The following SLIT2 variants were observed in gnomAD, a reference collection of about 807,000 sequenced individuals.
SLIT2 encodes the protein slit homolog 2 protein.
A neutral mutation model predicts 185.7 loss-of-function variants in SLIT2; 41 were observed. The ratio of observed to expected loss-of-function variants is 0.22; its 90% CI spans 0.17 to 0.29. SLIT2 has a LOEUF of 0.29. Ranked by LOEUF, SLIT2 falls within the 10% of genes least tolerant of loss-of-function variation. The pLI, the probability that SLIT2 is intolerant of heterozygous loss-of-function variation, is 1.00. For synonymous variants in SLIT2, 693 were observed against 680.2 expected, an observed-to-expected ratio of 1.02 and a Z score of -0.29; for missense variants, 1,571 against 1,909.0, an observed-to-expected ratio of 0.82 and a Z score of 3.30.
chr4:20,460,118 C>T (rs918579498), intron 4 of SLIT2, among the ~76,000 whole-genome samples: 4 of 152,080 alleles, frequency 2.6e-5, no homozygotes, highest in African/African-American at 9.7e-5. Flanking sequence ...CCCACCTCAG[C>T]CTCCCAAAGG....
intron 4 of SLIT2, among the ~76,000 whole-genome samples, chr4:20,410,701 A>G (rs1451927901): frequency 6.6e-6 from 1 of 151,930 alleles, no homozygotes; most frequent in Non-Finnish European, 1.5e-5. Context: ...TGTTTTTCTC[A>G]GGTTTGTTAA....
chr4:20,309,996 C>A (rs765922656), intron 4 of SLIT2, among the ~76,000 whole-genome samples: 1 of 151,966 alleles, frequency 6.6e-6, no homozygotes, highest in African/African-American at 2.4e-5. Flanking sequence ...CTCCTGACCT[C>A]GTGATCTGCC....
chr4:20,442,690 G>C (rs1455998822), intron 4 of SLIT2, among the ~76,000 whole-genome samples: 3 of 152,152 alleles, frequency 2.0e-5, no homozygotes, highest in Admixed American at 2.0e-4. Flanking sequence ...GGATGAGTTG[G>C]AGAGGGTGTG....
At chr4:20,500,204 A>C (rs946268638) in intron 9 of SLIT2, among the ~76,000 whole-genome samples, 7 of 152,224 alleles carry the variant, frequency 4.6e-5, no homozygotes, top group Admixed American at 4.6e-4. Flanking sequence ...TCACTTTGAC[A>C]GAACTTTATT....
intron 4 of SLIT2, among the ~76,000 whole-genome samples, chr4:20,404,864 G>A (rs904899015): frequency 3.3e-5 from 5 of 151,924 alleles, no homozygotes; most frequent in African/African-American, 7.2e-5. Context: ...TCACAAGATC[G>A]TATGAGTCCA....
rs114727226 is a variant in SLIT2, at chr4:20,296,562, A to T, written c.395+27681A>T. Reference sequence around the variant, plus strand: ...CAACCCCACTGTGGCCTTATATTCCATTCTGTGATGTTGGACTATAGATAC... The same window carrying T: ...CAACCCCACTGTGGCCTTATATTCCTTTCTGTGATGTTGGACTATAGATAC... On this transcript the variant is annotated intron_variant, in intron 4 of 36. Transcript: ENST00000504154. Among the ~76,000 whole-genome samples the T allele has an allele frequency of 5.5e-3, 835 of 152,290 alleles. 5 individuals carry two copies. The highest frequency in any genetic ancestry group is 0.014 in the Middle Eastern group (4 of 294).
chr4:20,469,035 T>C (rs914315747), intron 5 of SLIT2, among the ~76,000 whole-genome samples: 5 of 152,140 alleles, frequency 3.3e-5, no homozygotes, highest in African/African-American at 1.2e-4. Flanking sequence ...TATAAATGTA[T>C]AAAGCCATTA....
chr4:20,364,627 T>C (rs1722973103), intron 4 of SLIT2, among the ~76,000 whole-genome samples: 1 of 152,164 alleles, frequency 6.6e-6, no homozygotes, highest in South Asian at 2.1e-4. Context: ...AGGTTATTTT[T>C]AGAAAAACTT....
chr4:20,538,116 C>G (rs1031435911), intron 18 of SLIT2, among the ~76,000 whole-genome samples: 1 of 152,136 alleles, frequency 6.6e-6, no homozygotes, highest in Non-Finnish European at 1.5e-5. Flanking sequence ...CCCGCCACCA[C>G]GCTAGGCTAA....
At chr4:20,475,489 A>G (rs987307421) in intron 5 of SLIT2, among the ~76,000 whole-genome samples, 5 of 151,982 alleles carry the variant, frequency 3.3e-5, no homozygotes, top group African/African-American at 4.8e-5. Flanking sequence ...CTGAGTCACT[A>G]TGTATTGAGA....
chr4:20,390,009 C>T lies in SLIT2; in HGVS notation c.396-77743C>T, dbSNP rs565005130. Among the ~76,000 whole-genome samples, 90 of 152,052 alleles carry T rather than the reference C, an allele frequency of 5.9e-4. No homozygotes were observed. The South Asian group carries it at 0.015, about 25-fold the overall frequency. On this transcript the variant is annotated intron_variant, in intron 4 of 36. Transcript: ENST00000504154. ...GAATCTCAGCTAGCTTTGTGCAGTCCGATAAATGAGGTTTTGCTCTATAAG... is the reference window on the plus strand; with the variant it reads ...GAATCTCAGCTAGCTTTGTGCAGTCTGATAAATGAGGTTTTGCTCTATAAG...
intron 5 of SLIT2, among the ~76,000 whole-genome samples, chr4:20,469,657 GTTGAGT>G (rs1714749674): frequency 6.7e-6 from 1 of 150,194 alleles, no homozygotes; most frequent in African/African-American, 2.4e-5. Flanking sequence ...AATGCAGTTA[GTTGAGT>G]TTAAGACTGG....
intron 4 of SLIT2, among the ~76,000 whole-genome samples, chr4:20,332,452 T>G (rs1720150326): frequency 6.6e-6 from 1 of 152,130 alleles, no homozygotes; most frequent in African/African-American, 2.4e-5. Context: ...CTCACGCCTG[T>G]AATCCTAGCA....
intron 4 of SLIT2, among the ~76,000 whole-genome samples, chr4:20,411,462 G>C (rs1727252175): frequency 6.6e-6 from 1 of 152,140 alleles, no homozygotes; most frequent in African/African-American, 2.4e-5. Context: ...TCAAAGCCAG[G>C]GGGTCTGGCT....
At chr4:20,402,671 A>T (rs1726453675) in intron 4 of SLIT2, among the ~76,000 whole-genome samples, 3 of 151,888 alleles carry the variant, frequency 2.0e-5, no homozygotes. Flanking sequence ...TTCCTTTATC[A>T]CATTTTTCCA....
chr4:20,395,502 A>T (rs1267154195), intron 4 of SLIT2, among the ~76,000 whole-genome samples: 1 of 152,030 alleles, frequency 6.6e-6, no homozygotes, highest in East Asian at 1.9e-4. Context: ...GATGTGATAT[A>T]ATTTACCTAT....
intron 4 of SLIT2, among the ~76,000 whole-genome samples, chr4:20,374,299 A>G (rs1723833073): frequency 6.6e-6 from 1 of 152,136 alleles, no homozygotes; most frequent in South Asian, 2.1e-4. Context: ...ATAGAAATTT[A>G]TTGAGTTACT....
rs528947660 is a variant in SLIT2, at chr4:20,386,995, C to G, written c.396-80757C>G. On this transcript the variant is annotated intron_variant, in intron 4 of 36. Coordinates refer to ENST00000504154, the MANE Select transcript of SLIT2 (RefSeq NM_004787.4). ...GATTTGTGGTAGAGACGGGGTGTGG[C>G]TTCAGCAGTGGTTATCAGTGCTGTT... 2.0e-5 allele frequency among the ~76,000 whole-genome samples: 3 copies of G among 152,256 alleles called. No individual in the cohort carries two copies. In the East Asian group the frequency reaches 5.8e-4, roughly 29 times the overall value.
rs1482250220 is a variant in SLIT2, at chr4:20,528,930, TG to T, written c.1463-17del. The T allele has an allele frequency of 8.8e-6, 14 of 1,589,880 alleles. No individual in the cohort carries two copies. Among genetic ancestry groups the T allele is most frequent in the Non-Finnish European group, 1.0e-5 (12 of 1,164,698 alleles). ...ACCTTTAGACTCAGTATCTTTTTTT[TG>T]GTTTGAATTCTCAATAGGTACAGAA... On this transcript the variant is annotated intron_variant, in intron 15 of 36. Coordinates refer to ENST00000504154, the MANE Select transcript of SLIT2 (RefSeq NM_004787.4). This position sits in a 1 kb window ranked among gnomAD's most constrained non-coding sequence, Gnocchi z 4.2.
Sources: allele counts gnomAD v4.1 joint callset (sites outside exome capture counted in the v4.1 genomes callset), GRCh38; gene constraint gnomAD v4.1.1; non-coding constraint Gnocchi (gnomAD v3.1); transcripts MANE v1.5; gene names NCBI Gene and HGNC (gene_info 2026-07-23, HGNC 2026-07-21).